HBS1L: variants seen among roughly 807,000 people sequenced by gnomAD.
The protein encoded by HBS1L is HBS1 like translational GTPase, also known as HBS1-like protein.
A neutral mutation model predicts 88.9 loss-of-function variants in HBS1L; 55 were observed. That is an observed-to-expected ratio of 0.62 (90% CI 0.50 to 0.77). The LOEUF (loss-of-function observed/expected upper bound fraction) is 0.77. HBS1L is among the 30% of genes least tolerant of loss of function. HBS1L has a pLI of 0.00. For synonymous variants in HBS1L, 267 were observed against 288.5 expected, an observed-to-expected ratio of 0.93 and a Z score of 0.76; for missense variants, 741 against 829.3, an observed-to-expected ratio of 0.89 and a Z score of 1.31.
chr6:134,981,231 C>T (rs941457076), intron 13 of HBS1L, among the ~76,000 whole-genome samples: 7 of 151,848 alleles, frequency 4.6e-5, no homozygotes, highest in Non-Finnish European at 1.0e-4. Flanking sequence ...CCAAAAAAAT[C>T]GTGTTTCAAA....
intron 8 of HBS1L, among the ~76,000 whole-genome samples, chr6:134,989,178 T>G: frequency 6.6e-6 from 1 of 152,244 alleles, no homozygotes; most frequent in East Asian, 1.9e-4. Flanking sequence ...AATAGACAGT[T>G]TGTGCAACCA....
chr6:135,010,680 C>T (rs999283829), intron 4 of HBS1L, among the ~76,000 whole-genome samples: 6 of 151,986 alleles, frequency 3.9e-5, no homozygotes, highest in African/African-American at 1.5e-4. Flanking sequence ...GAGTACATAA[C>T]AAATTAAGAA....
chr6:135,035,226 TG>T (rs1366507865), intron 4 of HBS1L, among the ~76,000 whole-genome samples: 1 of 149,598 alleles, frequency 6.7e-6, no homozygotes, highest in Non-Finnish European at 1.5e-5. Flanking sequence ...GCCTAGGCGG[TG>T]GATCACAAGC....
In HBS1L at chr6:134,969,408, T is replaced by C. The variant is rs144713265; in HGVS notation, c.1798-70A>G. The C allele has an allele frequency of 1.8e-3, 1,679 of 929,848 alleles. 4 individuals carry two copies. Among genetic ancestry groups the C allele is most frequent in the Non-Finnish European group, 2.5e-3 (1,445 of 570,988 alleles). 57.6% of individuals were successfully genotyped at this position (929,848 alleles called of 1,614,324 possible). A position where few individuals can be genotyped will look rare whatever the true frequency, so the allele number is the denominator to read the frequency against. ...CTCTGGCCTTTTCTTTTGGCACTTA[T>C]ACTTAATTATCTTCAATTCAGTGCT... On this transcript the variant is annotated intron_variant, in intron 15 of 17. Transcript: ENST00000367837.
chr6:135,036,133 G>C (rs1776541012), intron 4 of HBS1L: 15 of 680,058 alleles, frequency 2.2e-5, no homozygotes, highest in Non-Finnish European at 2.7e-5. Flanking sequence ...TAACATCTCA[G>C]TTATGCTGTG....
intron 1 of HBS1L, among the ~76,000 whole-genome samples, chr6:135,052,674 TGAAGA>T (rs1777125538): frequency 2.0e-5 from 3 of 152,066 alleles, no homozygotes; most frequent in Admixed American, 2.0e-4. Context: ...CATATAAAGA[TGAAGA>T]GAATTCTTTC....
chr6:135,018,107 T>A (rs1775974424), intron 4 of HBS1L, among the ~76,000 whole-genome samples: 1 of 151,856 alleles, frequency 6.6e-6, no homozygotes. Context: ...ACACACAAAT[T>A]AAGATTTTCA....
intron 4 of HBS1L, among the ~76,000 whole-genome samples, chr6:135,020,207 T>C (rs1274815989): frequency 6.6e-6 from 1 of 151,556 alleles, no homozygotes; most frequent in Admixed American, 6.6e-5. Flanking sequence ...CCTCAATTCA[T>C]TAGACTTTAA....
In HBS1L at chr6:135,054,640, G is replaced by A. The variant is rs750976348; in HGVS notation, c.43+9C>T. 6.8e-6 allele frequency: 11 copies of A among 1,614,038 alleles called. No individual in the cohort carries two copies. Among genetic ancestry groups the A allele is most frequent in the Non-Finnish European group, 9.3e-6 (11 of 1,179,984 alleles). ...GAAAAGAACGTCCCGGCATGACCCT[G>A]CCACCTACCTTCATCGTAGTTATAG... is the stretch of plus-strand genomic sequence containing the variant. On this transcript the variant is annotated intron_variant, in intron 1 of 17. Coordinates refer to ENST00000367837, the MANE Select transcript of HBS1L (RefSeq NM_006620.4).
intron 4 of HBS1L, among the ~76,000 whole-genome samples, chr6:135,009,522 CTATA>C (rs1204155074): frequency 1.3e-5 from 2 of 151,698 alleles, no homozygotes; most frequent in Non-Finnish European, 2.9e-5. Context: ...CTTTTAAAGA[CTATA>C]TAAAGTTTAA....
At chr6:134,980,639 C>T (rs1562277930) in intron 13 of HBS1L, among the ~76,000 whole-genome samples, 1 of 151,806 alleles carries the variant, frequency 6.6e-6, no homozygotes, top group Non-Finnish European at 1.5e-5. Context: ...TCTTCTTCCC[C>T]TCAATCATGT....
chr6:135,027,240 A>G (rs1190895171), intron 4 of HBS1L: 1 of 150,626 alleles, frequency 6.6e-6, no homozygotes, highest in Non-Finnish European at 1.5e-5. Flanking sequence ...AGCTAACAGA[A>G]AAGTATTGTA....
intron 4 of HBS1L, among the ~76,000 whole-genome samples, chr6:135,018,617 T>A (rs145955776): frequency 6.8e-4 from 104 of 152,122 alleles, no homozygotes; most frequent in Non-Finnish European, 1.4e-3. Flanking sequence ...TAAGAATTCT[T>A]GTTACTAATA....
At chr6:135,019,015 G>A (rs1775999074) in intron 4 of HBS1L, among the ~76,000 whole-genome samples, 1 of 151,900 alleles carries the variant, frequency 6.6e-6, no homozygotes, top group Non-Finnish European at 1.5e-5. Context: ...CCTCAGCAAT[G>A]CAGAATAATC....
chr6:135,004,882 G>A (rs1775568670), intron 4 of HBS1L, among the ~76,000 whole-genome samples: 1 of 152,182 alleles, frequency 6.6e-6, no homozygotes, highest in South Asian at 2.1e-4. Flanking sequence ...AGACCACCAA[G>A]GGAGAGAGCA....
chr6:134,985,920 C>A, intron 11 of HBS1L, 146 bp downstream of exon 11: 1 of 586,874 alleles, frequency 1.7e-6, no homozygotes, highest in Non-Finnish European at 3.0e-6. Flanking sequence ...TTAAGTATTG[C>A]ACATGATGAC....
At chr6:135,044,574 C>A (rs1776851254) in intron 2 of HBS1L, among the ~76,000 whole-genome samples, 1 of 152,158 alleles carries the variant, frequency 6.6e-6, no homozygotes, top group Non-Finnish European at 1.5e-5. Flanking sequence ...CAAATGACAT[C>A]TTAGCATTAC....
At chr6:135,020,286 T>TTCAATGATTTCTTTGAACTTCATTTG (rs1776036496) in intron 4 of HBS1L, among the ~76,000 whole-genome samples, 1 of 151,968 alleles carries the variant, frequency 6.6e-6, no homozygotes. Flanking sequence ...TTCTTTGAAC[T>TTCAATGATTTCTTTGAACTTCATTTG]AAGTTCAATG....
In HBS1L at chr6:135,001,864, C is replaced by A. The variant is rs560651392; in HGVS notation, c.539+870G>T. 3.2e-4 allele frequency among the ~76,000 whole-genome samples: 43 copies of A among 136,336 alleles called. No individual in the cohort carries two copies. The South Asian group carries it at 8.0e-3, about 25-fold the overall frequency. 89.4% of individuals were successfully genotyped at this position (136,336 alleles called of 152,430 possible). On this transcript the variant is annotated intron_variant, in intron 5 of 17. Transcript: ENST00000367837. ...ACTCATAATACCTCACTAGTTTAGA[C>A]AAAAGAATATTGTAAGGAAAAAAAA... is the stretch of plus-strand genomic sequence containing the variant.
Sources: allele counts gnomAD v4.1 joint callset (sites outside exome capture counted in the v4.1 genomes callset), GRCh38; gene constraint gnomAD v4.1.1; transcripts MANE v1.5; gene names NCBI Gene and HGNC (gene_info 2026-07-23, HGNC 2026-07-21).